Variants in MAGI2 observed in about 807,000 individuals in gnomAD.
MAGI2 encodes membrane associated guanylate kinase, WW and PDZ domain containing 2.
Under a neutral mutation model 133.3 loss-of-function variants are expected in MAGI2, and 35 were observed. The observed-to-expected ratio is 0.26, with a 90% CI of 0.20 to 0.35. The LOEUF (loss-of-function observed/expected upper bound fraction) is 0.35. MAGI2 is among the 10% of genes least tolerant of loss of function. The pLI, the probability that MAGI2 is intolerant of heterozygous loss-of-function variation, is 1.00. For synonymous variants in MAGI2, 729 were observed against 710.6 expected, an observed-to-expected ratio of 1.03 and a Z score of -0.41; for missense variants, 1,636 against 1,863.4, an observed-to-expected ratio of 0.88 and a Z score of 2.25.
intron 11 of MAGI2, among the ~76,000 whole-genome samples, chr7:78,199,922 G>A (rs966089805): frequency 6.6e-6 from 1 of 152,180 alleles, no homozygotes; most frequent in African/African-American, 2.4e-5. Context: ...ACCATGATGA[G>A]GTCGCAAGGT....
chr7:78,676,014 T>C (rs771587596), intron 2 of MAGI2, among the ~76,000 whole-genome samples: 7 of 152,280 alleles, frequency 4.6e-5, no homozygotes, highest in Non-Finnish European at 1.0e-4. Flanking sequence ...AGGATATTGT[T>C]TTCACTGATT....
intron 16 of MAGI2, among the ~76,000 whole-genome samples, chr7:78,144,891 C>A (rs370908219): frequency 6.6e-6 from 1 of 152,054 alleles, no homozygotes; most frequent in Non-Finnish European, 1.5e-5. Context: ...TGCCCCCCTG[C>A]CCCCCATGTG....
intron 1 of MAGI2, among the ~76,000 whole-genome samples, chr7:79,264,358 G>T (rs776030640): frequency 1.3e-5 from 2 of 152,132 alleles, no homozygotes; most frequent in Admixed American, 6.5e-5. Context: ...AAATGTAGGG[G>T]TTTTTTGGTA....
intron 1 of MAGI2, among the ~76,000 whole-genome samples, chr7:79,228,198 G>A (rs913451480): frequency 2.6e-5 from 4 of 151,116 alleles, no homozygotes; most frequent in African/African-American, 9.7e-5. Flanking sequence ...TTAAAAATTA[G>A]TCAGGCGTGG....
At chr7:78,718,388 C>T (rs1476778020) in intron 2 of MAGI2, among the ~76,000 whole-genome samples, 8 of 152,108 alleles carry the variant, frequency 5.3e-5, no homozygotes, top group African/African-American at 1.2e-4. Flanking sequence ...CTGGGCCACA[C>T]GGCAGAGGTG....
intron 6 of MAGI2, among the ~76,000 whole-genome samples, chr7:78,378,613 T>A (rs1405383982): frequency 6.6e-6 from 1 of 152,016 alleles, no homozygotes; most frequent in Non-Finnish European, 1.5e-5. Context: ...GCTAAGAATT[T>A]TATATCCAGC....
chr7:78,095,187 A>G (rs1343805512), intron 20 of MAGI2, among the ~76,000 whole-genome samples: 1 of 152,242 alleles, frequency 6.6e-6, no homozygotes, highest in Non-Finnish European at 1.5e-5. Flanking sequence ...CAGAGAATTC[A>G]AATTCAGTGA....
chr7:79,251,501 T>C (rs929497748), intron 1 of MAGI2, among the ~76,000 whole-genome samples: 1 of 152,100 alleles, frequency 6.6e-6, no homozygotes, highest in Non-Finnish European at 1.5e-5. Context: ...CTCCACATCA[T>C]TGATCATAAG....
At chr7:78,597,630 C>T (rs911561744) in intron 3 of MAGI2, among the ~76,000 whole-genome samples, 3 of 152,098 alleles carry the variant, frequency 2.0e-5, no homozygotes, top group South Asian at 2.1e-4. Context: ...GGTAGACTCT[C>T]GAGATACATA....
intron 6 of MAGI2, among the ~76,000 whole-genome samples, chr7:78,424,203 C>G (rs1799065144): frequency 6.6e-6 from 1 of 152,184 alleles, no homozygotes; most frequent in Non-Finnish European, 1.5e-5. Context: ...CCAGCCATGA[C>G]TAAAAGGGGC....
chr7:78,561,839 A>G (rs112837300), intron 3 of MAGI2, among the ~76,000 whole-genome samples: 1,749 of 152,348 alleles, frequency 0.011, 29 homozygotes, highest in Non-Finnish European at 0.017. Flanking sequence ...AAGTAGCCTT[A>G]GAAAAGTAAG....
At chr7:79,281,107 G>A (rs1835609259) in intron 1 of MAGI2, among the ~76,000 whole-genome samples, 1 of 152,034 alleles carries the variant, frequency 6.6e-6, no homozygotes, top group African/African-American at 2.4e-5. Context: ...TGCATGAGCT[G>A]AAAGAAGATA....
chr7:78,601,430 T>C (rs188476256), intron 3 of MAGI2, among the ~76,000 whole-genome samples: 52 of 152,330 alleles, frequency 3.4e-4, no homozygotes, highest in African/African-American at 1.2e-3. Context: ...AGAATGTTCT[T>C]AGCATTCTTT....
At chr7:78,670,050 T>C (rs1182484462) in intron 2 of MAGI2, among the ~76,000 whole-genome samples, 4 of 151,666 alleles carry the variant, frequency 2.6e-5, no homozygotes, top group African/African-American at 9.8e-5. Context: ...CTATTCAACA[T>C]AGTGTTGGAA....
chr7:78,045,074 G>C (rs1811284776), intron 21 of MAGI2, among the ~76,000 whole-genome samples: 1 of 152,174 alleles, frequency 6.6e-6, no homozygotes, highest in Non-Finnish European at 1.5e-5. Flanking sequence ...GGCTGAGGCA[G>C]GAGAATTGCT....
chr7:79,177,627 T>A (rs1826214340), intron 1 of MAGI2, among the ~76,000 whole-genome samples: 1 of 152,068 alleles, frequency 6.6e-6, no homozygotes, highest in South Asian at 2.1e-4. Context: ...AAAGTCTACA[T>A]GCTGTGTAGG....
At chr7:78,546,986 G>A (rs76559940) in intron 3 of MAGI2, among the ~76,000 whole-genome samples, 3,263 of 152,248 alleles carry the variant, frequency 0.021, 122 homozygotes, top group African/African-American at 0.075. Flanking sequence ...CATAGTCTCT[G>A]CCCAGGGACC....
chr7:78,168,231 C>T (rs912211160), intron 14 of MAGI2, 123 bp from the exon 15 acceptor site: 2 of 730,412 alleles, frequency 2.7e-6, no homozygotes, highest in African/African-American at 1.8e-5. Context: ...TCTCAGCTCA[C>T]TGCAAGCTCT....
At chr7:78,943,258 G>A (rs1370719020) in intron 2 of MAGI2, among the ~76,000 whole-genome samples, 2 of 152,024 alleles carry the variant, frequency 1.3e-5, no homozygotes, top group Admixed American at 1.3e-4. Flanking sequence ...CTGAGTTATT[G>A]ACCCGATTTT....
Sources: gnomAD v4.1 joint callset for allele counts (sites outside exome capture counted in the v4.1 genomes callset) on GRCh38, gnomAD v4.1.1 for gene constraint, MANE v1.5 for transcripts, NCBI Gene and HGNC (gene_info 2026-07-23, HGNC 2026-07-21) for gene names.